Variants in CNTN6 observed in about 807,000 individuals in gnomAD.
CNTN6 encodes the protein contactin-6.
A neutral mutation model predicts 122.8 loss-of-function variants in CNTN6; 137 were observed. The observed-to-expected ratio is 1.12, with a 90% confidence interval of 0.97 to 1.29. The LOEUF is 1.29. Ranked by LOEUF, CNTN6 falls within the 50% of genes most tolerant of loss-of-function variation. CNTN6 has a pLI of 0.00. For missense variants in CNTN6, 1,634 were observed against 1,223.4 expected (o/e 1.34, Z -5.01); for synonymous variants, 570 against 426.0 (o/e 1.34, Z -4.16).
At chr3:1,219,861 A>G (rs1019333684) in intron 2 of CNTN6, among the ~76,000 whole-genome samples, 6 of 151,992 alleles carry the variant, frequency 3.9e-5, no homozygotes, top group African/African-American at 1.4e-4. Context: ...CAAGAAAACA[A>G]AAATTAACCT....
intron 1 of CNTN6, among the ~76,000 whole-genome samples, chr3:1,098,781 CACACACACATATATATATATATATAT>C (rs1234520282): frequency 0.022 from 1,358 of 60,854 alleles, 29 homozygotes; most frequent in African/African-American, 0.2. Context: ...CACACACACA[CACACACACATATATATATATATATAT>C]ATATATATAT....
chr3:1,133,219 G>A (rs926781346), intron 1 of CNTN6, among the ~76,000 whole-genome samples: 10 of 152,106 alleles, frequency 6.6e-5, no homozygotes, highest in Admixed American at 5.2e-4. Context: ...TAAGGTCATC[G>A]AATCTTGACA....
At chr3:1,125,808 A>G (rs1050880879) in intron 1 of CNTN6, among the ~76,000 whole-genome samples, 3 of 151,768 alleles carry the variant, frequency 2.0e-5, no homozygotes, top group Non-Finnish European at 4.4e-5. Flanking sequence ...TGATGATATG[A>G]CAACCACAGA....
chr3:1,121,059 A>G (rs2091929003), intron 1 of CNTN6, among the ~76,000 whole-genome samples: 1 of 152,076 alleles, frequency 6.6e-6, no homozygotes, highest in Non-Finnish European at 1.5e-5. Flanking sequence ...CATAATGATC[A>G]TTGTTTAATA....
intron 12 of CNTN6, among the ~76,000 whole-genome samples, chr3:1,359,309 T>C (rs17038174): frequency 6.6e-6 from 1 of 152,218 alleles, no homozygotes; most frequent in South Asian, 2.1e-4. Flanking sequence ...GCTTTGACTA[T>C]TTGTTAATAT....
chr3:1,295,706 A>G lies in CNTN6; in HGVS notation c.560A>G (p.Glu187Gly), dbSNP rs147701168. 6.8e-6 allele frequency: 11 copies of G among 1,613,976 alleles called. No individual in the cohort carries two copies. In the African/African-American group the frequency reaches 1.3e-4, roughly 20 times the overall value. ...GGAAACTTGTACATTGCCAAAGTGG[A>G]ACCATCAGATGTGGGCAACTACACT... ...ETGNLYIAKV[E>G]PSDVGNYTCF... Residue 187 changes from glutamate (E) to glycine (G), a missense_variant, in exon 6 of 23, where the codon GAA becomes GGA. Physicochemically the swap from Glu to Gly is moderately conservative, Grantham distance 98. Transcript: ENST00000446702.
intron 7 of CNTN6, among the ~76,000 whole-genome samples, chr3:1,317,888 T>TAAAAA (rs76953561): frequency 7.6e-6 from 1 of 130,750 alleles, no homozygotes; most frequent in Non-Finnish European, 1.7e-5. Flanking sequence ...AAATGCAGGT[T>TAAAAA]AAAAAAAAAA....
intron 11 of CNTN6, among the ~76,000 whole-genome samples, chr3:1,330,153 C>T (rs535750198): frequency 3.0e-4 from 46 of 152,012 alleles, no homozygotes; most frequent in African/African-American, 1.1e-3. Context: ...GCAATATTTT[C>T]AGTGCATGCA....
intron 19 of CNTN6, among the ~76,000 whole-genome samples, chr3:1,384,301 T>C (rs559758596): frequency 4.3e-4 from 64 of 148,782 alleles, no homozygotes; most frequent in African/African-American, 1.5e-3. Flanking sequence ...TTTTTTTCCC[T>C]TGGTAAGAGG....
chr3:1,322,889 C>G (rs1387184072), intron 8 of CNTN6, among the ~76,000 whole-genome samples: 2 of 151,580 alleles, frequency 1.3e-5, no homozygotes, highest in East Asian at 3.9e-4. Flanking sequence ...TATTTTTTTT[C>G]AGTAGTACCT....
At chr3:1,093,574 C>G (rs1193441668) in intron 1 of CNTN6, among the ~76,000 whole-genome samples, 1 of 147,630 alleles carries the variant, frequency 6.8e-6, no homozygotes, top group Non-Finnish European at 1.5e-5. Flanking sequence ...GTTTGCAGTT[C>G]TCACCGGATG....
At chr3:1,232,811 G>C (rs760576618) in intron 4 of CNTN6, among the ~76,000 whole-genome samples, 1 of 152,206 alleles carries the variant, frequency 6.6e-6, no homozygotes. Flanking sequence ...TGGAGAAAAG[G>C]CAAGGGAAGC....
intron 12 of CNTN6, among the ~76,000 whole-genome samples, chr3:1,357,014 A>G (rs1168644095): frequency 6.6e-6 from 1 of 151,888 alleles, no homozygotes; most frequent in Non-Finnish European, 1.5e-5. Context: ...AATTTAGTTC[A>G]CAATCTTTTT....
At chr3:1,247,049 T>C (rs1163113878) in intron 4 of CNTN6, among the ~76,000 whole-genome samples, 1 of 152,178 alleles carries the variant, frequency 6.6e-6, no homozygotes, top group East Asian at 1.9e-4. Context: ...CTTTTTCTTT[T>C]TGAGATGTTT....
Position 1,267,943 on chromosome 3 carries a change from C to T in CNTN6, c.359-10470C>T, listed in dbSNP as rs2094952957. 2.0e-5 allele frequency among the ~76,000 whole-genome samples: 3 copies of T among 151,998 alleles called. No homozygotes were observed. The South Asian group carries it at 6.2e-4, about 31-fold the overall frequency. On this transcript the variant is annotated intron_variant, in intron 4 of 22. Transcript: ENST00000446702. ...TGATGACACCTTGATGACTTTCCCA[C>T]ATGAGGATGATTTACCTGAAGATTT...
chr3:1,189,809 A>ATAG (rs1373993560), intron 2 of CNTN6, among the ~76,000 whole-genome samples: 1 of 152,210 alleles, frequency 6.6e-6, no homozygotes, highest in Non-Finnish European at 1.5e-5. Context: ...CATCTCTACT[A>ATAG]TAAAGTGACT....
Position 1,403,481 on chromosome 3 carries a change from C to T in CNTN6, c.*63C>T. 1.0e-6 allele frequency: 1 copy of T among 974,862 alleles called. No individual in the cohort carries two copies. The highest frequency in any genetic ancestry group is 1.6e-6 in the Non-Finnish European group (1 of 624,066). The allele number at this position is 974,862 out of a possible 1,614,324, so 60.4% of individuals were successfully genotyped here. A position where few individuals can be genotyped will look rare whatever the true frequency, so the allele number is the denominator to read the frequency against. On this transcript the variant is annotated 3_prime_UTR_variant, in exon 23 of 23. Transcript: ENST00000446702. ...CAAATCATTCTGTATATATGCTCTCCAGCCTCTGACACAAGATGCGTTCTT... is the reference window on the plus strand; with the variant it reads ...CAAATCATTCTGTATATATGCTCTCTAGCCTCTGACACAAGATGCGTTCTT...
intron 7 of CNTN6, among the ~76,000 whole-genome samples, chr3:1,309,690 G>A (rs993727856): frequency 2.0e-5 from 3 of 151,996 alleles, no homozygotes; most frequent in Non-Finnish European, 4.4e-5. Flanking sequence ...GTTTTGATTG[G>A]GATTGACTTA....
At chr3:1,300,614 AAAGG>A (rs1697219355) in intron 7 of CNTN6, among the ~76,000 whole-genome samples, 7 of 151,668 alleles carry the variant, frequency 4.6e-5, no homozygotes, top group Admixed American at 3.9e-4. Flanking sequence ...AGAGAGAAAG[AAAGG>A]AAGAAAAGGA....
Sources: gnomAD v4.1 joint callset for allele counts (sites outside exome capture counted in the v4.1 genomes callset) on GRCh38, gnomAD v4.1.1 for gene constraint, MANE v1.5 for transcripts, NCBI Gene and HGNC (gene_info 2026-07-23, HGNC 2026-07-21) for gene names.